DLC1: variants seen among roughly 807,000 people sequenced by gnomAD.
DLC1 encodes DLC1 Rho GTPase activating protein, also known as rho GTPase-activating protein 7.
A neutral mutation model predicts 140.3 loss-of-function variants in DLC1; 54 were observed. The observed-to-expected ratio is 0.38, with a 90% CI of 0.31 to 0.48. The LOEUF is 0.48. Ranked by LOEUF, DLC1 falls within the 20% of genes least tolerant of loss-of-function variation. DLC1 has a pLI of 0.96. For synonymous variants in DLC1, 986 were observed against 728.1 expected (o/e 1.35, Z -5.70); for missense variants, 2,536 against 1,907.0 (o/e 1.33, Z -6.14).
At chr8:13,387,102 C>G (rs1363205504) in intron 4 of DLC1, among the ~76,000 whole-genome samples, 2 of 151,908 alleles carry the variant, frequency 1.3e-5, no homozygotes, top group Admixed American at 1.3e-4. Flanking sequence ...CTTAAAAATT[C>G]CATGTATATC....
intron 5 of DLC1, among the ~76,000 whole-genome samples, chr8:13,284,279 C>T (rs1268516779): frequency 6.6e-6 from 1 of 152,190 alleles, no homozygotes; most frequent in African/African-American, 2.4e-5. Context: ...GTAATCCCAA[C>T]ACTTTGGGAG....
chr8:13,468,502 T>C (rs1402013237), intron 2 of DLC1, among the ~76,000 whole-genome samples: 1 of 151,544 alleles, frequency 6.6e-6, no homozygotes, highest in Non-Finnish European at 1.5e-5. Context: ...ACCTCCCAGA[T>C]AGCTAGGACT....
intron 5 of DLC1, among the ~76,000 whole-genome samples, chr8:13,163,233 A>C (rs1371588854): frequency 6.6e-6 from 1 of 152,208 alleles, no homozygotes; most frequent in Non-Finnish European, 1.5e-5. Flanking sequence ...ATATCATAAA[A>C]ATATTAATCC....
At chr8:13,454,434 C>T (rs1365520173) in intron 2 of DLC1, among the ~76,000 whole-genome samples, 4 of 152,210 alleles carry the variant, frequency 2.6e-5, no homozygotes, top group African/African-American at 7.2e-5. Flanking sequence ...CCATGAAGTT[C>T]CTAACAAGGC....
intron 2 of DLC1, among the ~76,000 whole-genome samples, chr8:13,435,815 A>G (rs1328106429): frequency 8.5e-5 from 13 of 152,200 alleles, no homozygotes; most frequent in Non-Finnish European, 1.5e-5. Context: ...ACAGCACTGC[A>G]AGCTACAGAG....
chr8:13,391,646 A>G (rs1160319949), intron 4 of DLC1, among the ~76,000 whole-genome samples: 1 of 152,184 alleles, frequency 6.6e-6, no homozygotes, highest in Admixed American at 6.6e-5. Flanking sequence ...CTGTGTAACT[A>G]TATTGACCAT....
chr8:13,413,286 A>T (rs1209801017), intron 2 of DLC1, among the ~76,000 whole-genome samples: 1 of 28,740 alleles, frequency 3.5e-5, no homozygotes, highest in Non-Finnish European at 8.7e-5. Context: ...TTAGCTCATC[A>T]ACTATCGTTA....
chr8:13,399,402 C>A (rs751108211), intron 3 of DLC1, among the ~76,000 whole-genome samples: 6 of 152,204 alleles, frequency 3.9e-5, no homozygotes, highest in Non-Finnish European at 7.3e-5. Flanking sequence ...ACTCACCACT[C>A]TCCGTCAGTG....
At chr8:13,141,971 C>T (rs1016999742) in intron 5 of DLC1, among the ~76,000 whole-genome samples, 1 of 152,174 alleles carries the variant, frequency 6.6e-6, no homozygotes, top group African/African-American at 2.4e-5. Context: ...TTTAGGGAGG[C>T]ACCTACTGGG....
At chr8:13,383,847 G>A (rs1836384697) in intron 4 of DLC1, among the ~76,000 whole-genome samples, 1 of 152,154 alleles carries the variant, frequency 6.6e-6, no homozygotes, top group Non-Finnish European at 1.5e-5. Flanking sequence ...AGATCTTGTA[G>A]CCCTGGTAAA....
chr8:13,329,606 T>G (rs1833504295), intron 4 of DLC1, among the ~76,000 whole-genome samples: 1 of 152,216 alleles, frequency 6.6e-6, no homozygotes, highest in Non-Finnish European at 1.5e-5. Flanking sequence ...GGTGACTTGG[T>G]TTAGGGCTAT....
chr8:13,172,776 C>T (rs1036213237), intron 5 of DLC1, among the ~76,000 whole-genome samples: 1 of 152,104 alleles, frequency 6.6e-6, no homozygotes, highest in Non-Finnish European at 1.5e-5. Flanking sequence ...TTTTAAAGCC[C>T]TCTATCAAAA....
chr8:13,503,322 T>G (rs927822742), intron 1 of DLC1, among the ~76,000 whole-genome samples: 1 of 152,074 alleles, frequency 6.6e-6, no homozygotes. Flanking sequence ...GAGGATTGCT[T>G]GAGCCCAGGA....
chr8:13,574,190 C>G (rs1194190138), intron 1 of DLC1, among the ~76,000 whole-genome samples: 1 of 152,084 alleles, frequency 6.6e-6, no homozygotes, highest in Non-Finnish European at 1.5e-5. Flanking sequence ...CATTCTTTTC[C>G]TCAGTGGCAA....
At chr8:13,278,928 T>C (rs78080289) in intron 5 of DLC1, among the ~76,000 whole-genome samples, 8,654 of 152,074 alleles carry the variant, frequency 0.057, 290 homozygotes, top group South Asian at 0.14. Flanking sequence ...AAAGAAAAAA[T>C]TCGAAAAGCT....
At chr8:13,337,972 C>T (rs907840815) in intron 4 of DLC1, among the ~76,000 whole-genome samples, 3 of 152,146 alleles carry the variant, frequency 2.0e-5, no homozygotes, top group Non-Finnish European at 2.9e-5. Context: ...TACTGATCCC[C>T]TATCATACGT....
At position 13,499,568 on chromosome 8, in the gene DLC1, A is replaced by C; in HGVS notation, c.504T>G (p.Gly168=). The C allele has an allele frequency of 6.2e-7, 1 of 1,614,080 alleles. No individual in the cohort carries two copies. Among genetic ancestry groups the C allele is most frequent in the Non-Finnish European group, 8.5e-7 (1 of 1,179,992 alleles). The stretch of plus-strand genomic sequence containing the variant: ...CTTTTACCAGTGCTAATTCAGTTTC[A>C]CCAGCTATTCCCCAGGAGTTAGAAG... ...QVSSNSWGIA[G]ETELALVKES... The change falls in exon 2 of 18, where the codon GGT becomes GGG. Residue 168 remains glycine (G), a synonymous_variant. Transcript: ENST00000276297.
chr8:13,361,340 G>C (rs76289108), intron 4 of DLC1, among the ~76,000 whole-genome samples: 2 of 151,544 alleles, frequency 1.3e-5, no homozygotes, highest in African/African-American at 4.8e-5. Context: ...CTGTAGCCTC[G>C]AACTCCTGGG....
chr8:13,569,222 A>T (rs937024045), intron 1 of DLC1, among the ~76,000 whole-genome samples: 1 of 152,192 alleles, frequency 6.6e-6, no homozygotes, highest in Admixed American at 6.5e-5. Flanking sequence ...TTACCTGGAG[A>T]TCACTTTTCT....
Sources: allele counts gnomAD v4.1 joint callset (sites outside exome capture counted in the v4.1 genomes callset), GRCh38; gene constraint gnomAD v4.1.1; transcripts MANE v1.5; gene names NCBI Gene and HGNC (gene_info 2026-07-23, HGNC 2026-07-21).